Variants in USP32 observed in about 807,000 individuals in gnomAD.
The protein encoded by USP32 is ubiquitin carboxyl-terminal hydrolase 32.
Under a neutral mutation model 204.8 loss-of-function variants are expected in USP32, and 59 were observed. The ratio of observed to expected loss-of-function variants is 0.29; its 90% CI spans 0.23 to 0.36. The LOEUF (loss-of-function observed/expected upper bound fraction) is 0.36. Among genes scored for constraint, USP32 ranks in the 10% least tolerant of loss-of-function variants. The pLI is 1.00. For synonymous variants in USP32, 517 were observed against 678.4 expected (o/e 0.76, Z 3.70); for missense variants, 1,160 against 1,946.4 (o/e 0.60, Z 7.60).
intron 18 of USP32, among the ~76,000 whole-genome samples, 159 bp from the exon 19 acceptor site, chr17:60,212,257 G>A (rs566775488): frequency 6.6e-6 from 1 of 152,138 alleles, no homozygotes; most frequent in South Asian, 2.1e-4. Context: ...TATATTCTGA[G>A]AAATGCATCA....
At chr17:60,302,301 C>T (rs1318290977) in intron 2 of USP32, among the ~76,000 whole-genome samples, 1 of 152,042 alleles carries the variant, frequency 6.6e-6, no homozygotes, top group East Asian at 1.9e-4. Flanking sequence ...ACATGTGCCA[C>T]CATGCCAGGC....
At chr17:60,339,805 G>T (rs2088614948) in intron 2 of USP32, among the ~76,000 whole-genome samples, 1 of 151,922 alleles carries the variant, frequency 6.6e-6, no homozygotes, top group Non-Finnish European at 1.5e-5. Context: ...TTCTAAAGTG[G>T]TTATCCTTTT....
At position 60,218,358 on chromosome 17, in the gene USP32, T is replaced by C. The variant is rs2085158893; in HGVS notation, c.1867+1312A>G. ...GAGATCGTGCCACTCCACTTCAGCC[T>C]GGGCGACAGAGCAAGACTCCATCTC... On this transcript the variant is annotated intron_variant, in intron 16 of 33. Transcript: ENST00000300896. Among the ~76,000 whole-genome samples the C allele has an allele frequency of 5.3e-5, 8 of 152,012 alleles. No homozygotes were observed. In the South Asian group the frequency reaches 1.7e-3, roughly 32 times the overall value.
At chr17:60,363,380 G>A (rs185791834) in intron 1 of USP32, among the ~76,000 whole-genome samples, 9 of 150,620 alleles carry the variant, frequency 6.0e-5, no homozygotes, top group Non-Finnish European at 1.2e-4. Flanking sequence ...GCTTGAACCC[G>A]GGAGGTGGAG....
chr17:60,279,410 G>A (rs931699106), intron 5 of USP32, among the ~76,000 whole-genome samples: 10 of 151,618 alleles, frequency 6.6e-5, no homozygotes, highest in African/African-American at 2.4e-4. Flanking sequence ...CCTTGAGCCT[G>A]GGAGGTTGAG....
intron 16 of USP32, among the ~76,000 whole-genome samples, chr17:60,217,441 C>T (rs1051296001): frequency 3.3e-5 from 5 of 152,058 alleles, no homozygotes; most frequent in African/African-American, 1.2e-4. Context: ...ATTACAGACA[C>T]CTGCCACCAC....
intron 2 of USP32, among the ~76,000 whole-genome samples, chr17:60,308,349 T>C (rs1233402403): frequency 6.6e-6 from 1 of 152,058 alleles, no homozygotes; most frequent in Non-Finnish European, 1.5e-5. Context: ...CAGAGACCCA[T>C]AACCTGCCCA....
At chr17:60,249,355 C>G (rs895537579) in intron 11 of USP32, 1 of 182,196 alleles carries the variant, frequency 5.5e-6, no homozygotes, top group Non-Finnish European at 1.1e-5. Flanking sequence ...TTGTGTATAG[C>G]CTTGTACAAG....
chr17:60,325,142 G>T lies in USP32; in HGVS notation c.186+20339C>A, dbSNP rs9911817. On this transcript the variant is annotated intron_variant, in intron 2 of 33. Coordinates refer to ENST00000300896, the MANE Select transcript of USP32 (RefSeq NM_032582.4). ...AATAAGAAAGAAACCTAGCTGCCACGGTGGCTCACACTTGTAATCCCAGCA... is the reference window on the plus strand; with the variant it reads ...AATAAGAAAGAAACCTAGCTGCCACTGTGGCTCACACTTGTAATCCCAGCA... Among the ~76,000 whole-genome samples the T allele has an allele frequency of 2.0e-5, 3 of 152,160 alleles. No homozygotes were observed. In the South Asian group the frequency reaches 6.2e-4, roughly 32 times the overall value.
At chr17:60,321,477 A>C (rs1199789715) in intron 2 of USP32, among the ~76,000 whole-genome samples, 1 of 152,228 alleles carries the variant, frequency 6.6e-6, no homozygotes, top group Non-Finnish European at 1.5e-5. Flanking sequence ...ATATAATCTG[A>C]AATCACTCAG....
At chr17:60,255,324 G>A in intron 9 of USP32, 66 bp from the exon 10 acceptor site, 1 of 1,261,550 alleles carries the variant, frequency 7.9e-7, no homozygotes, top group Non-Finnish European at 1.1e-6. Flanking sequence ...TTGAGACGGA[G>A]TCTCATACTG....
At chr17:60,379,326 C>T (rs1375198942) in intron 1 of USP32, among the ~76,000 whole-genome samples, 5 of 152,104 alleles carry the variant, frequency 3.3e-5, no homozygotes, top group African/African-American at 7.2e-5. Flanking sequence ...AATGTGAAAA[C>T]TTTGAAAAGC....
intron 29 of USP32, among the ~76,000 whole-genome samples, chr17:60,186,898 T>C (rs2084265565): frequency 6.6e-6 from 1 of 152,054 alleles, no homozygotes; most frequent in Non-Finnish European, 1.5e-5. Context: ...CTCTAATGTA[T>C]GGGAAGGTGG....
At chr17:60,265,851 T>A in intron 8 of USP32, 125 bp downstream of exon 8, 1 of 709,968 alleles carries the variant, frequency 1.4e-6, no homozygotes, top group Non-Finnish European at 2.3e-6. Context: ...CTATAAATAT[T>A]TTGAGTAGCA....
intron 12 of USP32, among the ~76,000 whole-genome samples, chr17:60,234,139 A>G (rs1256456896): frequency 1.4e-5 from 2 of 146,534 alleles, no homozygotes; most frequent in Middle Eastern, 3.5e-3. Flanking sequence ...TTTGAGATGG[A>G]GTCTTGCTCT....
intron 1 of USP32, among the ~76,000 whole-genome samples, chr17:60,379,242 G>C (rs1480162741): frequency 1.3e-5 from 2 of 152,162 alleles, no homozygotes; most frequent in African/African-American, 4.8e-5. Context: ...CAATGCAAAT[G>C]TCAAAGTAGC....
chr17:60,379,885 T>C (rs1243284904), intron 1 of USP32, among the ~76,000 whole-genome samples: 1 of 152,218 alleles, frequency 6.6e-6, no homozygotes, highest in Non-Finnish European at 1.5e-5. Context: ...TCATCAAGCA[T>C]ATGCTAAATT....
chr17:60,363,683 G>C (rs921038806), intron 1 of USP32, among the ~76,000 whole-genome samples: 2 of 151,566 alleles, frequency 1.3e-5, no homozygotes, highest in Admixed American at 6.6e-5. Flanking sequence ...TTTTTTGGTG[G>C]AGATGGAGTC....
chr17:60,195,571 C>A (rs1333443641), intron 27 of USP32, among the ~76,000 whole-genome samples: 3 of 152,170 alleles, frequency 2.0e-5, no homozygotes, highest in African/African-American at 7.2e-5. Context: ...CTCCTGGCCT[C>A]AAGTGATTCT....
Sources: gnomAD v4.1 joint callset for allele counts (sites outside exome capture counted in the v4.1 genomes callset) on GRCh38, gnomAD v4.1.1 for gene constraint, MANE v1.5 for transcripts, NCBI Gene and HGNC (gene_info 2026-07-23, HGNC 2026-07-21) for gene names.